Variants in CFAP144 observed in about 807,000 individuals in gnomAD.
The protein encoded by CFAP144 is cilia- and flagella-associated protein 144.
At chr1:43,154,266 TATAAAATTATATAAA>T in the CFAP144 span, among the ~76,000 whole-genome samples, 1 of 145,112 alleles carries the variant, frequency 6.9e-6, no homozygotes, top group African/African-American at 2.5e-5. Context: ...TAAAATTTTA[TATAAAATTATATAAA>T]ATAAAAATAT....
the CFAP144 span, chr1:43,150,942 A>G: frequency 1.4e-5 from 11 of 769,928 alleles, no homozygotes; most frequent in South Asian, 1.7e-4. Flanking sequence ...TGATCCTGGA[A>G]ATGGGACTCA....
chr1:43,143,120 G>A, the CFAP144 span, among the ~76,000 whole-genome samples: 3 of 152,064 alleles, frequency 2.0e-5, no homozygotes, highest in African/African-American at 7.2e-5. Context: ...CGACCGTCAA[G>A]TACACATGTA....
At chr1:43,150,690 G>A in the CFAP144 span, 4 of 1,381,966 alleles carry the variant, frequency 2.9e-6, no homozygotes, top group African/African-American at 5.8e-5. Flanking sequence ...CCCTGTTTAA[G>A]GTGGACCTTA....
chr1:43,154,521 G>C, the CFAP144 span, among the ~76,000 whole-genome samples: 1 of 151,540 alleles, frequency 6.6e-6, no homozygotes, highest in African/African-American at 2.4e-5. Context: ...ACTACTCAAA[G>C]AGAAAGAGGA....
At chr1:43,146,287 G>A in the CFAP144 span, among the ~76,000 whole-genome samples, 2 of 152,038 alleles carry the variant, frequency 1.3e-5, no homozygotes, top group Non-Finnish European at 1.5e-5. Context: ...TTGACAAATT[G>A]GATATACTGA....
the CFAP144 span, among the ~76,000 whole-genome samples, chr1:43,149,708 C>T: frequency 5.9e-5 from 9 of 152,076 alleles, no homozygotes; most frequent in African/African-American, 2.2e-4. Flanking sequence ...AGCATGTGAG[C>T]CATTGGAATA....
the CFAP144 span, chr1:43,150,856 G>T: frequency 6.4e-7 from 1 of 1,555,152 alleles, no homozygotes; most frequent in Non-Finnish European, 8.8e-7. Context: ...TTGAGATAGA[G>T]CCCAGAGAGG....
At chr1:43,154,343 TTA>T in the CFAP144 span, among the ~76,000 whole-genome samples, 11 of 145,962 alleles carry the variant, frequency 7.5e-5, no homozygotes, top group East Asian at 1.2e-3. Context: ...TCCCCTCTTT[TTA>T]TATATATACA....
the CFAP144 span, chr1:43,147,765 C>A: frequency 8.4e-5 from 122 of 1,446,368 alleles, 1 homozygote; most frequent in Admixed American, 1.0e-3. Context: ...TCCCGACCGG[C>A]GGGCGCGGGG....
the CFAP144 span, among the ~76,000 whole-genome samples, chr1:43,151,990 G>A: frequency 6.6e-6 from 1 of 152,134 alleles, no homozygotes; most frequent in African/African-American, 2.4e-5. Flanking sequence ...TTATATGAAG[G>A]ATGTGCCAGC....
chr1:43,144,570 T>C, the CFAP144 span, among the ~76,000 whole-genome samples: 2 of 152,138 alleles, frequency 1.3e-5, no homozygotes, highest in Non-Finnish European at 1.5e-5. Flanking sequence ...TCCTCAGTTT[T>C]CAAGCCTGCA....
At chr1:43,147,755 T>C in the CFAP144 span, 1 of 1,437,430 alleles carries the variant, frequency 7.0e-7, no homozygotes, top group Non-Finnish European at 9.1e-7. Flanking sequence ...CGAAATAAGA[T>C]CCCGACCGGC....
chr1:43,154,062 GTATATATATATA>G, the CFAP144 span, among the ~76,000 whole-genome samples: 44 of 83,664 alleles, frequency 5.3e-4, no homozygotes, highest in East Asian at 9.2e-4. Flanking sequence ...ATATGTGTGT[GTATATATATATA>G]TATATATATA....
chr1:43,154,864 T>C, the CFAP144 span, among the ~76,000 whole-genome samples: 1 of 148,072 alleles, frequency 6.8e-6, no homozygotes, highest in African/African-American at 2.6e-5. Flanking sequence ...GACGGAAAAA[T>C]ACTAGGAGGA....
the CFAP144 span, among the ~76,000 whole-genome samples, chr1:43,154,857 G>A: frequency 2.7e-5 from 4 of 149,902 alleles, no homozygotes; most frequent in Non-Finnish European, 4.4e-5. Context: ...GGTAAGTGAC[G>A]GAAAAATACT....
chr1:43,151,386 TGAAGAAGAA>T, the CFAP144 span, among the ~76,000 whole-genome samples: 1 of 152,066 alleles, frequency 6.6e-6, no homozygotes, highest in Non-Finnish European at 1.5e-5. Flanking sequence ...CATAGCATAA[TGAAGAAGAA>T]GAGAAGTAGA....
chr1:43,143,531 G>A, the CFAP144 span, among the ~76,000 whole-genome samples: 6 of 152,184 alleles, frequency 3.9e-5, no homozygotes, highest in Non-Finnish European at 7.4e-5. Flanking sequence ...AAGAAACCAG[G>A]AATGGTCAGC....
the CFAP144 span, chr1:43,152,766 G>T: frequency 1.3e-6 from 2 of 1,496,228 alleles, no homozygotes; most frequent in Non-Finnish European, 1.8e-6. Flanking sequence ...GCAGGAAAGG[G>T]CACAGGACCA....
chr1:43,143,726 A>T, the CFAP144 span, among the ~76,000 whole-genome samples: 1 of 152,214 alleles, frequency 6.6e-6, no homozygotes, highest in African/African-American at 2.4e-5. Flanking sequence ...AGAGTAAGTC[A>T]TCAAACCAAG....
Sources: allele counts gnomAD v4.1 joint callset (sites outside exome capture counted in the v4.1 genomes callset), GRCh38; gene constraint gnomAD v4.1.1; transcripts MANE v1.5; gene names NCBI Gene and HGNC (gene_info 2026-07-23, HGNC 2026-07-21).